Variants in PDZRN4 observed in about 807,000 individuals in gnomAD.
PDZRN4 encodes the protein PDZ domain-containing RING finger protein 4.
In PDZRN4, 70 loss-of-function variants were observed where a neutral mutation model predicts 99.0. That is an observed-to-expected ratio of 0.71 (90% CI 0.58 to 0.86). PDZRN4 has a LOEUF of 0.86. PDZRN4 is among the 40% of genes least tolerant of loss of function. PDZRN4 has a pLI of 0.00. For missense variants in PDZRN4, 1,474 were observed against 1,331.2 expected, an observed-to-expected ratio of 1.11 and a Z score of -1.67; for synonymous variants, 551 against 501.6, an observed-to-expected ratio of 1.10 and a Z score of -1.32.
Position 41,345,663 on chromosome 12 carries a change from T to A in PDZRN4, c.843+151475T>A, listed in dbSNP as rs138301227. 9.2e-5 allele frequency among the ~76,000 whole-genome samples: 14 copies of A among 152,292 alleles called. No individual in the cohort carries two copies. In the East Asian group the frequency reaches 1.5e-3, roughly 17 times the overall value. ...TTCTTTTGGGATAGAGAGAGATGAG[T>A]TGCAAAATAATTTGATCGAGACAGT... On this transcript the variant is annotated intron_variant, in intron 3 of 9. Coordinates refer to ENST00000402685, the MANE Select transcript of PDZRN4 (RefSeq NM_001164595.2).
chr12:41,404,310 C>T (rs1460832491), intron 3 of PDZRN4, among the ~76,000 whole-genome samples: 1 of 151,958 alleles, frequency 6.6e-6, no homozygotes, highest in Non-Finnish European at 1.5e-5. Context: ...GAAAGAAATT[C>T]CAAAGCCATT....
intron 3 of PDZRN4, among the ~76,000 whole-genome samples, chr12:41,233,669 T>C (rs1205837973): frequency 6.6e-6 from 1 of 152,032 alleles, no homozygotes; most frequent in African/African-American, 2.4e-5. Flanking sequence ...ACCATCATTC[T>C]CAGCAAACTA....
rs535807086 is a variant in PDZRN4 at position 41,459,058 on chromosome 12, A to G, written c.844-47398A>G. 3.3e-5 allele frequency among the ~76,000 whole-genome samples: 5 copies of G among 151,760 alleles called. 2 individuals are homozygous for G. Among genetic ancestry groups the G allele is most frequent in the African/African-American group, 1.2e-4 (5 of 41,328 alleles). The stretch of plus-strand genomic sequence containing the variant: ...TAGGTTTGAGATCAGAGTTCAAAGG[A>G]TTTGTAGACTAGTAGAAGAATGGGT... On this transcript the variant is annotated intron_variant, in intron 3 of 9. Transcript: ENST00000402685.
chr12:41,432,983 C>T (rs1386182640), intron 3 of PDZRN4, among the ~76,000 whole-genome samples: 1 of 152,070 alleles, frequency 6.6e-6, no homozygotes, highest in African/African-American at 2.4e-5. Flanking sequence ...CAACAAAGTC[C>T]CAGGCATATG....
intron 3 of PDZRN4, among the ~76,000 whole-genome samples, chr12:41,449,145 T>C (rs1281820614): frequency 4.6e-5 from 7 of 152,192 alleles, no homozygotes; most frequent in Non-Finnish European, 1.0e-4. Flanking sequence ...ATCCTCCCAT[T>C]TTTCTTCATC....
intron 3 of PDZRN4, among the ~76,000 whole-genome samples, chr12:41,241,944 A>G (rs969366628): frequency 1.3e-5 from 2 of 152,224 alleles, no homozygotes; most frequent in African/African-American, 4.8e-5. Flanking sequence ...TGCCAGATTT[A>G]GAAGATAGAA....
chr12:41,395,398 C>T (rs1299581748), intron 3 of PDZRN4, among the ~76,000 whole-genome samples: 1 of 152,102 alleles, frequency 6.6e-6, no homozygotes, highest in African/African-American at 2.4e-5. Flanking sequence ...TTGATTGGGT[C>T]TCAGAGTCTG....
At chr12:41,525,420 A>G (rs1938552063) in intron 5 of PDZRN4, among the ~76,000 whole-genome samples, 3 of 152,202 alleles carry the variant, frequency 2.0e-5, no homozygotes, top group Non-Finnish European at 4.4e-5. Context: ...TTAATAATAC[A>G]TACTTCATAG....
chr12:41,241,026 C>T (rs1951098491), intron 3 of PDZRN4, among the ~76,000 whole-genome samples: 1 of 152,132 alleles, frequency 6.6e-6, no homozygotes, highest in South Asian at 2.1e-4. Context: ...TTTGCTCCTC[C>T]CCCCTCCCAA....
At chr12:41,445,944 C>A (rs1310740978) in intron 3 of PDZRN4, among the ~76,000 whole-genome samples, 3 of 152,132 alleles carry the variant, frequency 2.0e-5, no homozygotes, top group South Asian at 2.1e-4. Context: ...ATCAATATAA[C>A]CTGTCCCATC....
chr12:41,233,320 A>G (rs1421425270), intron 3 of PDZRN4, among the ~76,000 whole-genome samples: 1 of 152,158 alleles, frequency 6.6e-6, no homozygotes, highest in East Asian at 1.9e-4. Context: ...AGAAATAGGA[A>G]CACTTTTACA....
chr12:41,378,766 G>A (rs1952100916), intron 3 of PDZRN4, among the ~76,000 whole-genome samples: 1 of 151,990 alleles, frequency 6.6e-6, no homozygotes, highest in South Asian at 2.1e-4. Flanking sequence ...CAGGTGATCT[G>A]CCCACCTCAG....
At chr12:41,500,761 G>C (rs543608297) in intron 3 of PDZRN4, among the ~76,000 whole-genome samples, 1 of 152,200 alleles carries the variant, frequency 6.6e-6, no homozygotes, top group African/African-American at 2.4e-5. Context: ...GCAGTGAGCT[G>C]AAATTTCTTA....
intron 3 of PDZRN4, among the ~76,000 whole-genome samples, chr12:41,478,190 A>T (rs976303417): frequency 6.6e-6 from 1 of 152,178 alleles, no homozygotes; most frequent in Non-Finnish European, 1.5e-5. Context: ...ATCTCGGCTC[A>T]CTGCAACCTC....
At chr12:41,339,981 C>A (rs1185768664) in intron 3 of PDZRN4, among the ~76,000 whole-genome samples, 1 of 151,898 alleles carries the variant, frequency 6.6e-6, no homozygotes, top group Non-Finnish European at 1.5e-5. Context: ...GTGGTTACAC[C>A]ATAAATTAGT....
chr12:41,407,038 T>C (rs1952355681), intron 3 of PDZRN4, among the ~76,000 whole-genome samples: 1 of 152,142 alleles, frequency 6.6e-6, no homozygotes, highest in Non-Finnish European at 1.5e-5. Context: ...TTGATGAGCA[T>C]TGTTCCTCCT....
rs60271257 is a variant in PDZRN4, at chr12:41,378,815, G to T, written c.844-127641G>T. Among the ~76,000 whole-genome samples, 129 of 152,150 alleles carry T rather than the reference G, an allele frequency of 8.5e-4. No homozygotes were observed. In the Middle Eastern group the frequency reaches 0.017, roughly 20 times the overall value. ...TGGGATTACAGGCGTGAGCCACAGC[G>T]CCCAGCCTCCCTCTTCAATTTTTTT... On this transcript the variant is annotated intron_variant, in intron 3 of 9. Transcript: ENST00000402685.
rs1003423520 is a variant in PDZRN4 at position 41,574,467 on chromosome 12, T to C, written c.*577T>C. The C allele has an allele frequency of 6.6e-6, 1 of 152,666 alleles. No homozygotes were observed. Among genetic ancestry groups the C allele is most frequent in the Non-Finnish European group, 1.5e-5 (1 of 68,056 alleles). 9.5% of individuals were successfully genotyped at this position (152,666 alleles called of 1,614,324 possible). ...CACATAAATGGCCATTGTCTTTGTC[T>C]CAGTAAAGTGTAGGTGGACAATCTT... On this transcript the variant is annotated 3_prime_UTR_variant, in exon 10 of 10. Transcript: ENST00000402685.
At position 41,188,418 on chromosome 12, in the gene PDZRN4, A is replaced by T. The variant is rs1291993896; in HGVS notation, c.-38A>T. 2.0e-6 allele frequency: 3 copies of T among 1,504,546 alleles called. No homozygotes were observed. In the Admixed American group the frequency reaches 6.0e-5, roughly 30 times the overall value. The allele number at this position is 1,504,546 out of a possible 1,614,324, so 93.2% of individuals were successfully genotyped here. A position where few individuals can be genotyped will look rare whatever the true frequency, so the allele number is the denominator to read the frequency against. ...AGGCAGGGGGGCTCGGAGAAGACGGACTCTGCTTTCGCTCCCCCTTTCTTC... is the reference window on the plus strand; with the variant it reads ...AGGCAGGGGGGCTCGGAGAAGACGGTCTCTGCTTTCGCTCCCCCTTTCTTC... On this transcript the variant is annotated 5_prime_UTR_variant, in exon 1 of 10. Transcript: ENST00000402685.
Sources: allele counts gnomAD v4.1 joint callset (sites outside exome capture counted in the v4.1 genomes callset), GRCh38; gene constraint gnomAD v4.1.1; transcripts MANE v1.5; gene names NCBI Gene and HGNC (gene_info 2026-07-23, HGNC 2026-07-21).